The following CTNNA2 variants were observed in gnomAD, a reference collection of about 807,000 sequenced individuals.
CTNNA2 encodes catenin alpha 2.
In CTNNA2, 42 loss-of-function variants were observed where a neutral mutation model predicts 101.0. The ratio of observed to expected loss-of-function variants is 0.42; its 90% confidence interval spans 0.32 to 0.54. CTNNA2 has a LOEUF of 0.54. Among genes scored for constraint, CTNNA2 ranks in the 20% least tolerant of loss-of-function variants. The pLI, the probability that CTNNA2 is intolerant of heterozygous loss-of-function variation, is 0.14. For synonymous variants in CTNNA2, 450 were observed against 456.4 expected (o/e 0.99, Z 0.18); for missense variants, 871 against 1,223.1 (o/e 0.71, Z 4.29).
At chr2:80,062,646 T>C (rs1697677379) in intron 7 of CTNNA2, among the ~76,000 whole-genome samples, 1 of 152,160 alleles carries the variant, frequency 6.6e-6, no homozygotes, top group Admixed American at 6.5e-5. Flanking sequence ...TAAGAATCTT[T>C]GTAGACTGGC....
intron 3 of CTNNA2, among the ~76,000 whole-genome samples, chr2:79,322,528 T>C (rs1473644768): frequency 4.6e-5 from 7 of 152,216 alleles, no homozygotes; most frequent in Non-Finnish European, 4.4e-5. Flanking sequence ...AAAATACTCT[T>C]AGCCCAGATA....
At position 80,228,837 on chromosome 2, in the gene CTNNA2, A is replaced by T. The variant is rs184668642; in HGVS notation, c.1057-164374A>T. ...GTACTGCTTATTCCCTTATGATTGG[A>T]CTAGCCTTGAATATATTACTTCACT... On this transcript the variant is annotated intron_variant, in intron 7 of 18. Coordinates refer to ENST00000402739, the MANE Select transcript of CTNNA2 (RefSeq NM_001282597.3). 2.6e-5 allele frequency among the ~76,000 whole-genome samples: 4 copies of T among 152,290 alleles called. No homozygotes were observed. In the East Asian group the frequency reaches 7.7e-4, roughly 29 times the overall value.
intron 7 of CTNNA2, among the ~76,000 whole-genome samples, chr2:79,920,452 A>G (rs1686576971): frequency 6.6e-6 from 1 of 152,200 alleles, no homozygotes; most frequent in South Asian, 2.1e-4. Flanking sequence ...TACAATCCCC[A>G]GTATCTGGTG....
intron 7 of CTNNA2, among the ~76,000 whole-genome samples, chr2:80,342,259 G>A (rs1364512356): frequency 6.6e-6 from 1 of 152,190 alleles, no homozygotes; most frequent in Non-Finnish European, 1.5e-5. Context: ...CATATCCATT[G>A]CATCTAAATA....
chr2:79,808,947 A>G (rs1266583868), intron 3 of CTNNA2, among the ~76,000 whole-genome samples: 2 of 152,078 alleles, frequency 1.3e-5, no homozygotes, highest in East Asian at 3.9e-4. Context: ...CTGGTCCCCC[A>G]TCCCCCAACA....
At position 79,344,186 on chromosome 2, in the gene CTNNA2, C is replaced by G. The variant is rs1677204101; in HGVS notation, c.-317-29645C>G. Reference sequence around the variant, plus strand: ...CAAAGGCACCCCGCTCTACACAGCTCTTTGTGTAGCCACCTCCCAGACGTC... The same window carrying G: ...CAAAGGCACCCCGCTCTACACAGCTGTTTGTGTAGCCACCTCCCAGACGTC... On this transcript the variant is annotated intron_variant, in intron 3 of 21. Transcript: ENST00000466387. 4.6e-5 allele frequency among the ~76,000 whole-genome samples: 7 copies of G among 152,200 alleles called. No individual in the cohort carries two copies. The South Asian group carries it at 1.4e-3, about 32-fold the overall frequency.
chr2:80,505,129 G>A (rs1240502752), intron 9 of CTNNA2, among the ~76,000 whole-genome samples: 3 of 152,112 alleles, frequency 2.0e-5, no homozygotes, highest in Non-Finnish European at 2.9e-5. Context: ...TGGAGAATAA[G>A]AATGAATGAA....
intron 7 of CTNNA2, among the ~76,000 whole-genome samples, chr2:80,027,085 A>G (rs1177974212): frequency 6.6e-6 from 1 of 152,208 alleles, no homozygotes; most frequent in Non-Finnish European, 1.5e-5. Context: ...AAGATAAGTG[A>G]TATAAAGACA....
At chr2:79,887,251 T>C (rs1683954241) in intron 6 of CTNNA2, among the ~76,000 whole-genome samples, 1 of 152,036 alleles carries the variant, frequency 6.6e-6, no homozygotes, top group South Asian at 2.1e-4. Context: ...ATCAATAGAG[T>C]AGAATTAGGA....
At chr2:80,516,932 A>T (rs1689155824) in intron 9 of CTNNA2, among the ~76,000 whole-genome samples, 1 of 152,156 alleles carries the variant, frequency 6.6e-6, no homozygotes, top group Admixed American at 6.5e-5. Context: ...TCTTTGCTTC[A>T]TTCCTCTCAT....
intron 2 of CTNNA2, among the ~76,000 whole-genome samples, chr2:79,660,570 C>A (rs550760585): frequency 6.6e-6 from 1 of 151,896 alleles, no homozygotes; most frequent in East Asian, 1.9e-4. Context: ...GGTATGTATA[C>A]CCAAAGTAGT....
At chr2:79,743,081 C>T (rs1205770489) in intron 2 of CTNNA2, among the ~76,000 whole-genome samples, 1 of 151,996 alleles carries the variant, frequency 6.6e-6, no homozygotes, top group African/African-American at 2.4e-5. Flanking sequence ...TGTAGACTGG[C>T]TTTCTTAATA....
At position 79,288,816 on chromosome 2, in the gene CTNNA2, A is replaced by T. The variant is rs115282778; in HGVS notation, c.-405-23893A>T. On this transcript the variant is annotated intron_variant, in intron 2 of 21. Coordinates refer to the CTNNA2 transcript ENST00000466387. ...GTTTGCCATATTAAAAGAGTGAAGA[A>T]TAGATACTGACTTTCAGTGGGGGAA... Among the ~76,000 whole-genome samples the T allele has an allele frequency of 3.1e-3, 470 of 152,350 alleles. 1 individual carries two copies. Among genetic ancestry groups the T allele is most frequent in the African/African-American group, 0.011 (451 of 41,572 alleles).
chr2:79,499,599 T>C (rs970571201), intron 4 of CTNNA2, among the ~76,000 whole-genome samples: 7 of 152,200 alleles, frequency 4.6e-5, no homozygotes, highest in African/African-American at 1.4e-4. Flanking sequence ...ACGCCACCTA[T>C]GTAATAGGAC....
intron 1 of CTNNA2, among the ~76,000 whole-genome samples, chr2:79,540,190 G>A (rs1673322196): frequency 6.6e-6 from 1 of 152,078 alleles, no homozygotes; most frequent in Admixed American, 6.5e-5. Flanking sequence ...GGCAGTTTTC[G>A]GTCATTCAAA....
chr2:79,946,025 G>T (rs1286029358), intron 7 of CTNNA2, among the ~76,000 whole-genome samples: 1 of 152,250 alleles, frequency 6.6e-6, no homozygotes, highest in Middle Eastern at 3.4e-3. Flanking sequence ...GGAGTTACAT[G>T]AAAAGGTAAG....
intron 2 of CTNNA2, among the ~76,000 whole-genome samples, chr2:79,265,850 A>G (rs1466334284): frequency 6.6e-6 from 1 of 152,184 alleles, no homozygotes; most frequent in African/African-American, 2.4e-5. Flanking sequence ...GCAGAAAAAA[A>G]TAATAAAATT....
At chr2:80,498,038 A>G (rs1687603062) in intron 9 of CTNNA2, among the ~76,000 whole-genome samples, 1 of 152,292 alleles carries the variant, frequency 6.6e-6, no homozygotes, top group Middle Eastern at 3.4e-3. Context: ...CTATATTTCT[A>G]TTTATTTGTT....
intron 4 of CTNNA2, among the ~76,000 whole-genome samples, chr2:79,494,975 C>A (rs1030575401): frequency 2.0e-5 from 3 of 151,888 alleles, no homozygotes; most frequent in African/African-American, 7.3e-5. Context: ...TGGTTGCAGG[C>A]GCCTGTAGTC....
Sources: allele counts gnomAD v4.1 joint callset (sites outside exome capture counted in the v4.1 genomes callset), GRCh38; gene constraint gnomAD v4.1.1; transcripts MANE v1.5; gene names NCBI Gene and HGNC (gene_info 2026-07-23, HGNC 2026-07-21).